CNTNAP5: variants seen among roughly 807,000 people sequenced by gnomAD.
CNTNAP5 encodes the protein contactin-associated protein-like 5.
CNTNAP5 carries 72 observed loss-of-function variants against 150.2 expected under a neutral mutation model. The observed-to-expected ratio is 0.48, with a 90% CI of 0.40 to 0.58. CNTNAP5 has a LOEUF of 0.58. CNTNAP5 is among the 20% of genes least tolerant of loss of function. The probability of loss-of-function intolerance (pLI) is 0.00; values close to 1 mark genes in which losing one functional copy is unlikely to be tolerated. For missense variants in CNTNAP5, 1,636 were observed against 1,626.2 expected (o/e 1.01, Z -0.10); for synonymous variants, 672 against 619.8 (o/e 1.08, Z -1.25).
chr2:124,631,480 T>A (rs1306635749), intron 12 of CNTNAP5, among the ~76,000 whole-genome samples: 3 of 152,124 alleles, frequency 2.0e-5, no homozygotes, highest in African/African-American at 4.8e-5. Context: ...GGGGAAAAGA[T>A]TCCCTATTTA....
chr2:124,352,873 T>C (rs1200040214), intron 3 of CNTNAP5, among the ~76,000 whole-genome samples: 3 of 152,274 alleles, frequency 2.0e-5, no homozygotes, highest in African/African-American at 7.2e-5. Flanking sequence ...ATCCCATGCA[T>C]CTGTGGTAAA....
At chr2:124,052,094 T>C (rs11123018) in intron 1 of CNTNAP5, among the ~76,000 whole-genome samples, 62,277 of 152,022 alleles carry the variant, frequency 0.41, 13,086 homozygotes, top group Admixed American at 0.45. Context: ...GACAGGTTTC[T>C]AAGTGCTTAT....
intron 19 of CNTNAP5, among the ~76,000 whole-genome samples, chr2:124,829,950 A>G (rs1389479054): frequency 6.6e-6 from 1 of 151,636 alleles, no homozygotes; most frequent in Non-Finnish European, 1.5e-5. Context: ...GAATACTCAC[A>G]TTAATAACAT....
intron 18 of CNTNAP5, among the ~76,000 whole-genome samples, chr2:124,794,255 T>C (rs1484909240): frequency 6.6e-6 from 1 of 152,220 alleles, no homozygotes; most frequent in African/African-American, 2.4e-5. Flanking sequence ...TTCTGGTTCA[T>C]CTACAGTCCA....
intron 1 of CNTNAP5, among the ~76,000 whole-genome samples, chr2:124,070,661 T>TA (rs1682283146): frequency 6.6e-6 from 1 of 151,944 alleles, no homozygotes; most frequent in Non-Finnish European, 1.5e-5. Context: ...TGTAAATATA[T>TA]ATTCACCCAC....
intron 1 of CNTNAP5, among the ~76,000 whole-genome samples, chr2:124,143,697 C>A (rs1273561635): frequency 1.5e-5 from 2 of 129,434 alleles, no homozygotes; most frequent in South Asian, 3.0e-4. Context: ...ACTGAATGGG[C>A]AAAAACTGGA....
intron 3 of CNTNAP5, among the ~76,000 whole-genome samples, chr2:124,303,687 A>C (rs1688617330): frequency 6.6e-6 from 1 of 152,236 alleles, no homozygotes. Flanking sequence ...TTATTTCCAC[A>C]TGATGAGGCA....
intron 11 of CNTNAP5, among the ~76,000 whole-genome samples, chr2:124,581,331 TA>T (rs1476152781): frequency 6.6e-6 from 1 of 152,176 alleles, no homozygotes; most frequent in Non-Finnish European, 1.5e-5. Flanking sequence ...AAAGTTGAAA[TA>T]ATGCCTTTGT....
intron 8 of CNTNAP5, among the ~76,000 whole-genome samples, chr2:124,510,337 C>CTATATATCTATATATA (rs1558933371): frequency 2.2e-4 from 1 of 4,630 alleles, no homozygotes; most frequent in Non-Finnish European, 8.0e-4. Context: ...ATATATATAT[C>CTATATATCTATATATA]TCCATATGTC....
At chr2:124,241,249 G>A (rs930183637) in intron 2 of CNTNAP5, among the ~76,000 whole-genome samples, 7 of 152,070 alleles carry the variant, frequency 4.6e-5, no homozygotes, top group African/African-American at 1.4e-4. Context: ...CAAACCTCAG[G>A]TGTGATACAT....
chr2:124,687,700 G>A (rs1679220571), intron 13 of CNTNAP5, among the ~76,000 whole-genome samples: 1 of 151,990 alleles, frequency 6.6e-6, no homozygotes, highest in South Asian at 2.1e-4. Context: ...CAAAAAGTCT[G>A]TAATGAAAAA....
At chr2:124,669,607 G>T (rs1426512654) in intron 13 of CNTNAP5, among the ~76,000 whole-genome samples, 1 of 152,154 alleles carries the variant, frequency 6.6e-6, no homozygotes, top group Non-Finnish European at 1.5e-5. Flanking sequence ...AATACAAGAT[G>T]CATATATCCA....
intron 12 of CNTNAP5, among the ~76,000 whole-genome samples, chr2:124,620,767 A>ACG (rs1426764381): frequency 6.6e-6 from 1 of 151,942 alleles, no homozygotes; most frequent in African/African-American, 2.4e-5. Flanking sequence ...ACACACACAC[A>ACG]CACACACATA....
At chr2:124,329,047 T>C (rs1341245325) in intron 3 of CNTNAP5, among the ~76,000 whole-genome samples, 1 of 152,136 alleles carries the variant, frequency 6.6e-6, no homozygotes, top group Non-Finnish European at 1.5e-5. Context: ...CTTTGAAGGG[T>C]AATAAATGAT....
intron 19 of CNTNAP5, among the ~76,000 whole-genome samples, chr2:124,821,625 A>T (rs79176120): frequency 0.012 from 1,859 of 152,258 alleles, 43 homozygotes; most frequent in African/African-American, 0.042. Context: ...CTTTTTGTAG[A>T]ATAAGTGAAC....
At chr2:124,334,312 G>T (rs367935715) in intron 3 of CNTNAP5, among the ~76,000 whole-genome samples, 4 of 152,254 alleles carry the variant, frequency 2.6e-5, no homozygotes, top group African/African-American at 9.6e-5. Flanking sequence ...CAGATGGAAG[G>T]TTGAGGCCAT....
At chr2:124,510,273 C>CTATATCTA (rs1553474633) in intron 8 of CNTNAP5, among the ~76,000 whole-genome samples, 9 of 33,916 alleles carry the variant, frequency 2.7e-4, no homozygotes, top group South Asian at 1.5e-3. Context: ...ATCTATATAT[C>CTATATCTA]TATATCTATA....
intron 13 of CNTNAP5, among the ~76,000 whole-genome samples, chr2:124,697,520 C>T (rs1416271176): frequency 7.3e-5 from 11 of 150,434 alleles, no homozygotes; most frequent in Non-Finnish European, 1.5e-4. Flanking sequence ...CTTTTTTTCT[C>T]TAGGAACTTC....
At chr2:124,231,331 A>G (rs1238392994) in intron 2 of CNTNAP5, among the ~76,000 whole-genome samples, 1 of 152,116 alleles carries the variant, frequency 6.6e-6, no homozygotes, top group Non-Finnish European at 1.5e-5. Flanking sequence ...TCACTTCAGT[A>G]CTCTGGTACT....
Sources: allele counts gnomAD v4.1 joint callset (sites outside exome capture counted in the v4.1 genomes callset), GRCh38; gene constraint gnomAD v4.1.1; transcripts MANE v1.5; gene names NCBI Gene and HGNC (gene_info 2026-07-23, HGNC 2026-07-21).